Variants in CIT observed in about 807,000 individuals in gnomAD.
CIT encodes the protein citron Rho-interacting kinase.
A neutral mutation model predicts 272.7 loss-of-function variants in CIT; 79 were observed. That is an observed-to-expected ratio of 0.29 (90% CI 0.24 to 0.35). The LOEUF is 0.35. Ranked by LOEUF, CIT falls within the 10% of genes least tolerant of loss-of-function variation. CIT has a pLI of 1.00. For synonymous variants in CIT, 948 were observed against 995.6 expected (o/e 0.95, Z 0.90); for missense variants, 1,909 against 2,618.3 (o/e 0.73, Z 5.91).
chr12:119,746,473 C>A (rs1210916301), intron 23 of CIT, among the ~76,000 whole-genome samples: 1 of 152,302 alleles, frequency 6.6e-6, no homozygotes, highest in East Asian at 1.9e-4. Context: ...AAAACAGAAA[C>A]AGGAAGCTGA....
intron 40 of CIT, among the ~76,000 whole-genome samples, chr12:119,704,952 G>A (rs1329541060): frequency 6.6e-6 from 1 of 152,124 alleles, no homozygotes; most frequent in African/African-American, 2.4e-5. Context: ...TCACTCTGTC[G>A]CCCAGGCTGG....
At chr12:119,714,145 T>A in intron 33 of CIT, 52 bp downstream of exon 33, 1 of 1,599,844 alleles carries the variant, frequency 6.3e-7, no homozygotes, top group Admixed American at 1.7e-5. Context: ...ATAGACTTTT[T>A]AAGCTGGAGA....
chr12:119,795,676 C>G (rs1965674911), intron 10 of CIT, among the ~76,000 whole-genome samples: 1 of 152,118 alleles, frequency 6.6e-6, no homozygotes. Context: ...GTAGATAGTA[C>G]AGTGGTCTAG....
chr12:119,759,162 C>T (rs1961410604), intron 20 of CIT, among the ~76,000 whole-genome samples: 1 of 152,212 alleles, frequency 6.6e-6, no homozygotes, highest in African/African-American at 2.4e-5. Flanking sequence ...GGCCACAGAG[C>T]AGTACCCCAT....
Position 119,776,829 on chromosome 12 carries a change from T to A in CIT, c.1679A>T (p.Gln560Leu), listed in dbSNP as rs1370589022. 6.2e-7 allele frequency: 1 copy of A among 1,613,940 alleles called. No individual in the cohort carries two copies. The highest frequency in any genetic ancestry group is 8.5e-7 in the Non-Finnish European group (1 of 1,180,022). The change falls in exon 14 of 48, where the codon CAA becomes CTA. Residue 560 changes from glutamine to leucine, a missense_variant. This residue lies in a region of CIT where 530 missense variants were observed against 822.4 expected (regional missense o/e 0.64). Coordinates refer to ENST00000392521, the MANE Select transcript of CIT (RefSeq NM_001206999.2). ...QEIKEQEYQA[Q>L]VEEMRLMMNQ... ...CATCATCAACCTCATTTCTTCCACT[T>A]GAGCCTGGTACTCCTAAAGAGCAGG... is the stretch of plus-strand genomic sequence containing the variant.
Position 119,768,235 on chromosome 12 carries a change from C to T in CIT, c.2209-1053G>A, listed in dbSNP as rs540047037. 8.5e-5 allele frequency among the ~76,000 whole-genome samples: 13 copies of T among 152,304 alleles called. No homozygotes were observed. Among genetic ancestry groups the T allele is most frequent in the African/African-American group, 3.1e-4 (13 of 41,584 alleles). On this transcript the variant is annotated intron_variant, in intron 18 of 47. Coordinates refer to ENST00000392521, the MANE Select transcript of CIT (RefSeq NM_001206999.2). This position sits in a 1 kb window ranked among gnomAD's most constrained non-coding sequence, Gnocchi z 4.3. ...CCAAGTTTCTAGCTTTTAAACAAAA[C>T]TGTAATTCACTTGAAAATTGCAGTT...
chr12:119,795,935 A>G (rs1486705700), intron 10 of CIT, among the ~76,000 whole-genome samples: 1 of 152,254 alleles, frequency 6.6e-6, no homozygotes, highest in East Asian at 1.9e-4. Context: ...ACTGTGCAGA[A>G]GGAATTGGTA....
At position 119,721,299 on chromosome 12, in the gene CIT, C is replaced by T. The variant is rs1334034431; in HGVS notation, c.3732+10G>A. The T allele has an allele frequency of 1.3e-6, 2 of 1,591,444 alleles. No individual in the cohort carries two copies. Among genetic ancestry groups the T allele is most frequent in the South Asian group, 2.2e-5 (2 of 89,430 alleles). On this transcript the variant is annotated intron_variant, in intron 29 of 47. Coordinates refer to ENST00000392521, the MANE Select transcript of CIT (RefSeq NM_001206999.2). Reference sequence around the variant, plus strand: ...CCATTTTTAAGCAGATTCCCTCTGCCAGTCCTCACCTGAATGTTTTCCAGC... The same window carrying T: ...CCATTTTTAAGCAGATTCCCTCTGCTAGTCCTCACCTGAATGTTTTCCAGC...
Position 119,710,409 on chromosome 12 carries a change from G to A in CIT, c.4936-23C>T. ...CACCTGCAAGGGCAGAAGTCCGAAG[G>A]CAGAACATAAGCACGGTCACGTCAC... On this transcript the variant is annotated intron_variant, in intron 38 of 47. Coordinates refer to ENST00000392521, the MANE Select transcript of CIT (RefSeq NM_001206999.2). The surrounding 1 kb of genome is among the most constrained non-coding windows in gnomAD (Gnocchi z 5.6). 1 of 1,613,946 alleles carries A rather than the reference G, an allele frequency of 6.2e-7. No homozygotes were observed. The highest frequency in any genetic ancestry group is 8.5e-7 in the Non-Finnish European group (1 of 1,179,942).
chr12:119,696,540 AT>A (rs1956231128), intron 46 of CIT, among the ~76,000 whole-genome samples: 1 of 146,826 alleles, frequency 6.8e-6, no homozygotes, highest in Admixed American at 6.7e-5. Flanking sequence ...TCCTTTTTTG[AT>A]TTTGAGATAG....
chr12:119,698,011 G>T lies in CIT; in HGVS notation c.5667C>A (p.Leu1889=). ...AGCGTGCCTGGATCTCAATTACTTC[G>T]AGTGAGTTGAAGTGGGTCACAAACA... The part of the protein sequence containing the change: ...PYLFVTHFNS[L]EVIEIQARSS... Residue 1889 remains leucine, a synonymous_variant, in exon 45 of 48, where the codon CTC becomes CTA. Transcript: ENST00000392521. 6.2e-7 allele frequency: 1 copy of T among 1,614,148 alleles called. No individual in the cohort carries two copies. Among genetic ancestry groups the T allele is most frequent in the Non-Finnish European group, 8.5e-7 (1 of 1,180,006 alleles).
Position 119,701,858 on chromosome 12 carries a change from G to C in CIT, c.5405C>G (p.Thr1802Arg), listed in dbSNP as rs180716474. Residue 1802 changes from threonine to arginine, a missense_variant, in exon 42 of 48, where the codon ACG becomes AGG. By Grantham distance (71) the Thr-to-Arg change is moderately conservative (BLOSUM62 -1). Coordinates refer to ENST00000392521, the MANE Select transcript of CIT (RefSeq NM_001206999.2). ...KFYEIDMKQY[T>R]LEEFLDKNDH... is the part of the protein sequence containing the mutation. ...GTGGAGGTGGGTCCTACCCTCGAGC[G>C]TGTACTGCTTCATGTCGATTTCGTA... is the stretch of plus-strand genomic sequence containing the variant. 1.9e-6 allele frequency: 3 copies of C among 1,613,856 alleles called. No individual in the cohort carries two copies. Among genetic ancestry groups the C allele is most frequent in the South Asian group, 2.2e-5 (2 of 91,090 alleles).
chr12:119,810,337 T>C (rs1454719913), intron 9 of CIT, among the ~76,000 whole-genome samples: 3 of 152,146 alleles, frequency 2.0e-5, no homozygotes, highest in Non-Finnish European at 1.5e-5. Flanking sequence ...TCTTCTGTGG[T>C]GTTGACAGTT....
At chr12:119,696,438 T>G (rs1956226688) in intron 46 of CIT, among the ~76,000 whole-genome samples, 1 of 152,148 alleles carries the variant, frequency 6.6e-6, no homozygotes, top group African/African-American at 2.4e-5. Flanking sequence ...TCTGAAAAGT[T>G]GATTTTGATA....
At chr12:119,793,263 T>A (rs1011270826) in intron 10 of CIT, among the ~76,000 whole-genome samples, 1 of 152,210 alleles carries the variant, frequency 6.6e-6, no homozygotes, top group Non-Finnish European at 1.5e-5. Flanking sequence ...GAATCATTTA[T>A]CAAAAATCAT....
intron 5 of CIT, among the ~76,000 whole-genome samples, chr12:119,836,563 A>T (rs536933514): frequency 6.6e-6 from 1 of 152,212 alleles, no homozygotes; most frequent in African/African-American, 2.4e-5. Context: ...ATATCCAAAA[A>T]AAGAAAAAGG....
chr12:119,770,815 T>C lies in CIT; in HGVS notation c.2178A>G (p.Gln726=). 2.5e-6 allele frequency: 4 copies of C among 1,612,896 alleles called. No homozygotes were observed. Among genetic ancestry groups the C allele is most frequent in the Non-Finnish European group, 3.4e-6 (4 of 1,179,900 alleles). The change falls in exon 18 of 48, where the codon CAA becomes CAG. Residue 726 remains glutamine (Q), a synonymous_variant. Coordinates refer to ENST00000392521, the MANE Select transcript of CIT (RefSeq NM_001206999.2). The surrounding 1 kb of genome is among the most constrained non-coding windows in gnomAD (Gnocchi z 4.4). ...TTTTATCAGCCATCTGCTGGATCTGTTGGGATTTTGTCTGGATGTCATCCT... is the reference window on the plus strand; with the variant it reads ...TTTTATCAGCCATCTGCTGGATCTGCTGGGATTTTGTCTGGATGTCATCCT... ...RLKDDIQTKS[Q]QIQQMADKIL...
chr12:119,800,206 C>A (rs1019852937), intron 10 of CIT, among the ~76,000 whole-genome samples: 4 of 152,098 alleles, frequency 2.6e-5, no homozygotes, highest in African/African-American at 9.7e-5. Flanking sequence ...TTGGTTTGGG[C>A]TCTTGCTGGT....
intron 5 of CIT, among the ~76,000 whole-genome samples, chr12:119,849,500 TC>T (rs753348019): frequency 6.6e-6 from 1 of 152,182 alleles, no homozygotes; most frequent in Non-Finnish European, 1.5e-5. Flanking sequence ...GTTTGCATTT[TC>T]TTATAACAAC....
Sources: allele counts gnomAD v4.1 joint callset (sites outside exome capture counted in the v4.1 genomes callset), GRCh38; gene constraint gnomAD v4.1.1; regional missense constraint gnomAD v4.1.1; non-coding constraint Gnocchi (gnomAD v3.1); transcripts MANE v1.5; gene names NCBI Gene and HGNC (gene_info 2026-07-23, HGNC 2026-07-21).